Variants in FGFR2 observed in about 807,000 individuals in gnomAD.
The protein encoded by FGFR2 is fibroblast growth factor receptor 2, also known as BEK fibroblast growth factor receptor.
In FGFR2, 19 loss-of-function variants were observed where a neutral mutation model predicts 95.9. That is an observed-to-expected ratio of 0.20 (90% confidence interval 0.14 to 0.29). The LOEUF is 0.29. Ranked by LOEUF, FGFR2 falls within the 10% of genes least tolerant of loss-of-function variation. The probability of loss-of-function intolerance (pLI) is 1.00; values close to 1 mark genes in which losing one functional copy is unlikely to be tolerated. For missense variants in FGFR2, 707 were observed against 1,056.9 expected, an observed-to-expected ratio of 0.67 and a Z score of 4.59; for synonymous variants, 392 against 393.3, an observed-to-expected ratio of 1.00 and a Z score of 0.04.
At chr10:121,489,430 C>T (rs896545636) in intron 13 of FGFR2, among the ~76,000 whole-genome samples, 1 of 152,136 alleles carries the variant, frequency 6.6e-6, no homozygotes, top group African/African-American at 2.4e-5. Context: ...TCTCTCCCTG[C>T]CCTCTTAGAA....
chr10:121,479,977 A>C lies in FGFR2; in HGVS notation c.2346T>G (p.Ser782Arg), dbSNP rs147439731. The change falls in exon 18 of 18, where the codon AGT becomes AGG. Residue 782 changes from serine to arginine, a missense_variant. Ser to Arg is a moderately radical substitution (Grantham distance 110, BLOSUM62 -1). Around this residue, in one of 7 missense-constraint regions of FGFR2, gnomAD observed 51 missense variants for 50.2 expected, o/e 1.01. Transcript: ENST00000358487. ...AACAAGAACTTCTTGTGTCAGGGTAACTAGGTGAATACTGTTCGAGAGGTT... is the reference window on the plus strand; with the variant it reads ...AACAAGAACTTCTTGTGTCAGGGTACCTAGGTGAATACTGTTCGAGAGGTT... ...LSQPLEQYSP[S>R]YPDTRSSCSS... 5 of 1,614,072 alleles carry C rather than the reference A, an allele frequency of 3.1e-6. No individual in the cohort carries two copies. The highest frequency in any genetic ancestry group is 4.2e-6 in the Non-Finnish European group (5 of 1,180,054).
chr10:121,566,604 C>T (rs777950216), intron 2 of FGFR2, among the ~76,000 whole-genome samples: 13 of 152,132 alleles, frequency 8.5e-5, no homozygotes, highest in Non-Finnish European at 1.0e-4. Context: ...CAGGGTCCTC[C>T]GTGATGGGAG....
chr10:121,482,985 C>A (rs1564849422), intron 17 of FGFR2, among the ~76,000 whole-genome samples: 1 of 152,234 alleles, frequency 6.6e-6, no homozygotes, highest in East Asian at 1.9e-4. Flanking sequence ...TTAGTAGAGA[C>A]AGGGTTTCGC....
intron 5 of FGFR2, among the ~76,000 whole-genome samples, chr10:121,542,365 C>T (rs1257125953): frequency 6.6e-6 from 1 of 152,096 alleles, no homozygotes; most frequent in Non-Finnish European, 1.5e-5. Flanking sequence ...ACCTTTCAAA[C>T]AAACAGAAAT....
At chr10:121,574,828 C>G (rs1342548116) in intron 2 of FGFR2, among the ~76,000 whole-genome samples, 1 of 152,180 alleles carries the variant, frequency 6.6e-6, no homozygotes, top group Non-Finnish European at 1.5e-5. Flanking sequence ...TTCTCTACCT[C>G]GAGAAATACT....
chr10:121,514,279 G>A (rs1467473970), intron 9 of FGFR2, among the ~76,000 whole-genome samples: 1 of 152,074 alleles, frequency 6.6e-6, no homozygotes, highest in East Asian at 1.9e-4. Context: ...TCTGCCTTCC[G>A]CTTCCATCTC....
chr10:121,517,080 T>C lies in FGFR2; in HGVS notation c.1084+239A>G. Reference sequence around the variant, plus strand: ...CATTGGCTCAATGACTCACTAAAAATATGAGATCCCTTCAGGTTTTAAGGG... The same window carrying C: ...CATTGGCTCAATGACTCACTAAAAACATGAGATCCCTTCAGGTTTTAAGGG... On this transcript the variant is annotated intron_variant, in intron 8 of 17. Transcript: ENST00000358487. The surrounding 1 kb of genome is among the most constrained non-coding windows in gnomAD (Gnocchi z 4.7). 1.8e-6 allele frequency: 1 copy of C among 565,262 alleles called. No homozygotes were observed. Among genetic ancestry groups the C allele is most frequent in the Non-Finnish European group, 3.1e-6 (1 of 318,126 alleles). 35.0% of individuals were successfully genotyped at this position (565,262 alleles called of 1,614,324 possible).
intron 13 of FGFR2, among the ~76,000 whole-genome samples, chr10:121,491,700 C>T (rs1177536099): frequency 6.6e-6 from 1 of 151,852 alleles, no homozygotes; most frequent in Non-Finnish European, 1.5e-5. Flanking sequence ...GAAACCCCAT[C>T]TCTACTAAAA....
In FGFR2 at chr10:121,593,836, C is replaced by G. The variant is rs776670842; in HGVS notation, c.-19G>C. On this transcript the variant is annotated 5_prime_UTR_variant, in exon 2 of 18. Transcript: ENST00000358487. ...TGACCATGGTTACGGTACCAATCCC[C>G]GGTCCTCTTCCATATCTCCATGTGG... The G allele has an allele frequency of 6.2e-7, 1 of 1,605,812 alleles. No homozygotes were observed. The highest frequency in any genetic ancestry group is 1.7e-5 in the Admixed American group (1 of 60,020).
intron 5 of FGFR2, among the ~76,000 whole-genome samples, chr10:121,541,173 G>C (rs768416335): frequency 3.9e-5 from 6 of 152,184 alleles, no homozygotes; most frequent in Non-Finnish European, 5.9e-5. Context: ...CAAACAGGGT[G>C]TTTCTGTCCA....
At chr10:121,565,302 A>C in intron 3 of FGFR2, 136 bp downstream of exon 3, 1 of 1,130,764 alleles carries the variant, frequency 8.8e-7, no homozygotes, top group East Asian at 2.4e-5. Context: ...CCAGGTCCCA[A>C]AGAAGAATTT....
intron 12 of FGFR2, among the ~76,000 whole-genome samples, chr10:121,497,430 A>G (rs1847018032): frequency 6.6e-6 from 1 of 152,256 alleles, no homozygotes; most frequent in Admixed American, 6.5e-5. Flanking sequence ...AGATCTTTGC[A>G]ACATTTTTTA....
intron 17 of FGFR2, chr10:121,481,839 TA>T (rs199952842): frequency 8.4e-4 from 158 of 189,048 alleles, no homozygotes; most frequent in Middle Eastern, 1.9e-3. Context: ...TTTTTATTTT[TA>T]TTTTTTTTTT....
chr10:121,570,084 G>A (rs1200221677), intron 2 of FGFR2, among the ~76,000 whole-genome samples: 2 of 152,246 alleles, frequency 1.3e-5, no homozygotes, highest in East Asian at 3.9e-4. Context: ...CCCAAGCCCA[G>A]CCTGCAGGGC....
intron 6 of FGFR2, among the ~76,000 whole-genome samples, chr10:121,521,846 C>A (rs982683104): frequency 1.3e-5 from 2 of 152,212 alleles, no homozygotes; most frequent in Non-Finnish European, 2.9e-5. Flanking sequence ...AGGATCTGCA[C>A]TCCTATATTA....
At chr10:121,489,185 G>A (rs1402552649) in intron 13 of FGFR2, among the ~76,000 whole-genome samples, 1 of 152,090 alleles carries the variant, frequency 6.6e-6, no homozygotes, top group Non-Finnish European at 1.5e-5. Context: ...CGATTCTCCT[G>A]CCTCAGCCTC....
chr10:121,493,850 G>C (rs1277841316), intron 13 of FGFR2, among the ~76,000 whole-genome samples: 1 of 152,020 alleles, frequency 6.6e-6, no homozygotes, highest in African/African-American at 2.4e-5. Flanking sequence ...CCCTGCCCCA[G>C]CCCTGATTCC....
chr10:121,510,141 T>C (rs765553244), intron 9 of FGFR2, among the ~76,000 whole-genome samples: 1 of 152,166 alleles, frequency 6.6e-6, no homozygotes, highest in Admixed American at 6.5e-5. Flanking sequence ...AATTCCTCCA[T>C]AACAAAATTT....
At chr10:121,509,482 CTTTTTTTT>C (rs67778522) in intron 9 of FGFR2, among the ~76,000 whole-genome samples, 19 of 45,350 alleles carry the variant, frequency 4.2e-4, no homozygotes, top group East Asian at 9.4e-4. Context: ...TGTTTCTTTT[CTTTTTTTT>C]TTTTTTTTTT....
Sources: allele counts gnomAD v4.1 joint callset (sites outside exome capture counted in the v4.1 genomes callset), GRCh38; gene constraint gnomAD v4.1.1; regional missense constraint gnomAD v4.1.1; non-coding constraint Gnocchi (gnomAD v3.1); transcripts MANE v1.5; gene names NCBI Gene and HGNC (gene_info 2026-07-23, HGNC 2026-07-21).